Variants in MORN1 observed in about 807,000 individuals in gnomAD.
MORN1 encodes MORN repeat-containing protein 1.
A neutral mutation model predicts 61.9 loss-of-function variants in MORN1; 67 were observed. The observed-to-expected ratio is 1.08, with a 90% CI of 0.89 to 1.33. The LOEUF (loss-of-function observed/expected upper bound fraction) is 1.33, where lower values mean the gene tolerates loss of function less well. Among genes scored for constraint, MORN1 ranks in the 40% most tolerant of loss-of-function variants. MORN1 has a pLI of 0.00. For synonymous variants in MORN1, 301 were observed against 292.0 expected, an observed-to-expected ratio of 1.03 and a Z score of -0.31; for missense variants, 752 against 691.2, an observed-to-expected ratio of 1.09 and a Z score of -0.99.
At chr1:2,367,383 A>C (rs1158000913) in intron 8 of MORN1, among the ~76,000 whole-genome samples, 1 of 151,354 alleles carries the variant, frequency 6.6e-6, no homozygotes, top group African/African-American at 2.4e-5. Context: ...ATTTTGGGAG[A>C]CTGAGGTGGG....
intron 10 of MORN1, among the ~76,000 whole-genome samples, chr1:2,341,464 A>C (rs2843139): frequency 6.6e-6 from 1 of 152,086 alleles, no homozygotes. Flanking sequence ...AGGCCAAAGC[A>C]GGCGGATCAG....
At position 2,379,351 on chromosome 1, in the gene MORN1, G is replaced by A. The variant is rs181560115; in HGVS notation, c.538-4794C>T. The A allele has an allele frequency of 2.0e-3, 727 of 358,586 alleles. 9 individuals are homozygous for A. The highest frequency in any genetic ancestry group is 0.014 in the African/African-American group (665 of 46,780). The allele number at this position is 358,586 out of a possible 1,614,324, so 22.2% of individuals were successfully genotyped here. ...CATAAAATGATCTCTAAAAATAAACGAACAGCCGGCGCTGGTTGGGGTGTG... is the reference window on the plus strand; with the variant it reads ...CATAAAATGATCTCTAAAAATAAACAAACAGCCGGCGCTGGTTGGGGTGTG... On this transcript the variant is annotated intron_variant, in intron 6 of 13. Coordinates refer to ENST00000378531, the MANE Select transcript of MORN1 (RefSeq NM_024848.3).
rs1179432022 is a variant in MORN1 at position 2,378,891 on chromosome 1, G to A, written c.538-4334C>T. 4 of 454,712 alleles carry A rather than the reference G, an allele frequency of 8.8e-6. No homozygotes were observed. In the East Asian group the frequency reaches 2.8e-4, roughly 32 times the overall value. The allele number at this position is 454,712 out of a possible 1,614,324, so 28.2% of individuals were successfully genotyped here. ...GGCCCAGGACCTCTGTGGCTTCCGG[G>A]ACCGGCCTGAGCCGCGTGGCTCCTG... On this transcript the variant is annotated intron_variant, in intron 6 of 13. Transcript: ENST00000378531.
chr1:2,358,573 T>C lies in MORN1; in HGVS notation c.869+19A>G. 6.2e-7 allele frequency: 1 copy of C among 1,613,904 alleles called. No individual in the cohort carries two copies. Among genetic ancestry groups the C allele is most frequent in the African/African-American group, 1.3e-5 (1 of 75,026 alleles). ...CAAAACAAACTCAGAACTAACTCAT[T>C]GGTGTCACACGTACTCACAATGGGG... On this transcript the variant is annotated intron_variant, in intron 9 of 13. Coordinates refer to ENST00000378531, the MANE Select transcript of MORN1 (RefSeq NM_024848.3).
chr1:2,358,589 C>T lies in MORN1; in HGVS notation c.869+3G>A. On this transcript the variant is annotated splice_donor_region_variant and intron_variant, in intron 9 of 13. Coordinates refer to ENST00000378531, the MANE Select transcript of MORN1 (RefSeq NM_024848.3). Reference sequence around the variant, plus strand: ...CTAACTCATTGGTGTCACACGTACTCACAATGGGGTCTGGATGAGTGTCTC... The same window carrying T: ...CTAACTCATTGGTGTCACACGTACTTACAATGGGGTCTGGATGAGTGTCTC... 2 of 1,614,100 alleles carry T rather than the reference C, an allele frequency of 1.2e-6. No homozygotes were observed. Among genetic ancestry groups the T allele is most frequent in the Non-Finnish European group, 1.7e-6 (2 of 1,179,976 alleles).
intron 10 of MORN1, among the ~76,000 whole-genome samples, chr1:2,349,948 C>T (rs1297819144): frequency 1.3e-5 from 2 of 152,218 alleles, no homozygotes; most frequent in Admixed American, 6.5e-5. Flanking sequence ...GGCCTCTCTA[C>T]GTTCCCAAAT....
intron 1 of MORN1, 75 bp downstream of exon 1, chr1:2,391,383 G>A: frequency 8.1e-7 from 1 of 1,240,914 alleles, no homozygotes; most frequent in African/African-American, 1.6e-5. Flanking sequence ...TTTGGGGGTC[G>A]AGGGCGTAGA....
rs1469551066 is a variant in MORN1 at position 2,336,723 on chromosome 1, G to A, written c.1164C>T (p.Leu388=). The part of the protein sequence containing the change: ...GYHPFLFLDS[L]HKKAGGRSRG... The stretch of plus-strand genomic sequence containing the variant: ...GCCCCCCGTGGGCACCCACCTTGTG[G>A]AGGCTGTCCAGGAACAGGAAGGGGT... Residue 388 remains leucine (L), a synonymous_variant, in exon 11 of 14, where the codon CTC becomes CTT. Transcript: ENST00000378531. The A allele has an allele frequency of 6.4e-7, 1 of 1,568,262 alleles. No individual in the cohort carries two copies. The highest frequency in any genetic ancestry group is 8.6e-7 in the Non-Finnish European group (1 of 1,157,854).
chr1:2,356,789 C>A (rs1013188725), intron 10 of MORN1, among the ~76,000 whole-genome samples: 2 of 152,332 alleles, frequency 1.3e-5, no homozygotes, highest in Middle Eastern at 3.4e-3. Flanking sequence ...GCACTGCTCG[C>A]TGCACCGGAG....
rs1179765198 is a variant in MORN1, at chr1:2,332,152, G to A, written c.1250+4317C>T. ...GATGTGGGCTTTGAGGGAGCCAACCGGTGGGGGGTGCACCAGGTGACCCCA... is the reference window on the plus strand; with the variant it reads ...GATGTGGGCTTTGAGGGAGCCAACCAGTGGGGGGTGCACCAGGTGACCCCA... On this transcript the variant is annotated intron_variant, in intron 12 of 13. Coordinates refer to ENST00000378531, the MANE Select transcript of MORN1 (RefSeq NM_024848.3). 3.4e-5 allele frequency: 6 copies of A among 174,660 alleles called. 1 individual carries two copies. Among genetic ancestry groups the A allele is most frequent in the East Asian group, 1.8e-4 (1 of 5,474 alleles). 10.8% of individuals were successfully genotyped at this position (174,660 alleles called of 1,614,324 possible).
chr1:2,339,763 C>T (rs1641354993), intron 10 of MORN1, among the ~76,000 whole-genome samples: 1 of 152,222 alleles, frequency 6.6e-6, no homozygotes, highest in Admixed American at 6.5e-5. Context: ...AGGTCAGTCC[C>T]TCCCTTGCCG....
chr1:2,333,051 G>A (rs1001713221), intron 12 of MORN1, among the ~76,000 whole-genome samples: 2 of 152,222 alleles, frequency 1.3e-5, no homozygotes, highest in African/African-American at 4.8e-5. Flanking sequence ...ATAAAAACAC[G>A]GAACCCAGGA....
chr1:2,357,404 C>T lies in MORN1; in HGVS notation c.1036+28G>A, dbSNP rs1641799301. 2 of 1,566,502 alleles carry T rather than the reference C, an allele frequency of 1.3e-6. No homozygotes were observed. Among genetic ancestry groups the T allele is most frequent in the African/African-American group, 1.4e-5 (1 of 73,716 alleles). On this transcript the variant is annotated intron_variant, in intron 10 of 13. Transcript: ENST00000378531. This position sits in a 1 kb window ranked among gnomAD's most constrained non-coding sequence, Gnocchi z 6.3. ...GACTGCTGGGCCTGGGCCCACCCAC[C>T]CCCAACTGGTTTGTGAGCTCCACTT...
At chr1:2,355,096 GTA>G in intron 10 of MORN1, 1 of 989,942 alleles carries the variant, frequency 1.0e-6, no homozygotes, top group Non-Finnish European at 1.2e-6. Flanking sequence ...CCCGCGCGGG[GTA>G]GGGTGCGATG....
chr1:2,379,262 T>A, intron 6 of MORN1: 1 of 418,094 alleles, frequency 2.4e-6, no homozygotes, highest in Non-Finnish European at 4.9e-6. Flanking sequence ...TGATCCGAGG[T>A]GGGCAGAGGT....
intron 4 of MORN1, 141 bp downstream of exon 4, chr1:2,387,278 A>C (rs1434984117): frequency 2.6e-5 from 18 of 697,564 alleles, no homozygotes; most frequent in Non-Finnish European, 4.4e-5. Flanking sequence ...TGCGGAGAAG[A>C]GGGCATGGGC....
At chr1:2,349,659 T>C (rs1282309949) in intron 10 of MORN1, among the ~76,000 whole-genome samples, 1 of 152,214 alleles carries the variant, frequency 6.6e-6, no homozygotes, top group Non-Finnish European at 1.5e-5. Context: ...AAAGCTGTTA[T>C]CACCCCACGA....
At chr1:2,327,886 C>T (rs982641540) in intron 12 of MORN1, among the ~76,000 whole-genome samples, 8 of 152,274 alleles carry the variant, frequency 5.3e-5, no homozygotes, top group Admixed American at 4.6e-4. Flanking sequence ...TCGGCGTCCC[C>T]GCATGAGCTC....
chr1:2,363,805 C>CAAACAAACAA lies in MORN1; in HGVS notation c.746-5091_746-5090insTTGTTTGTTT, dbSNP rs140866260. ...TTAGAAAAACAAACAAACAAACAAA[C>CAAACAAACAA]AAAAAAATATATATATATATAAAAA... On this transcript the variant is annotated intron_variant, in intron 8 of 13. Coordinates refer to ENST00000378531, the MANE Select transcript of MORN1 (RefSeq NM_024848.3). Among the ~76,000 whole-genome samples, 864 of 124,846 alleles carry CAAACAAACAA rather than the reference C, an allele frequency of 6.9e-3. 10 individuals are homozygous for CAAACAAACAA. The highest frequency in any genetic ancestry group is 0.027 in the East Asian group (110 of 4,112). 81.9% of individuals were successfully genotyped at this position (124,846 alleles called of 152,430 possible).
Sources: allele counts gnomAD v4.1 joint callset (sites outside exome capture counted in the v4.1 genomes callset), GRCh38; gene constraint gnomAD v4.1.1; non-coding constraint Gnocchi (gnomAD v3.1); transcripts MANE v1.5; gene names NCBI Gene and HGNC (gene_info 2026-07-23, HGNC 2026-07-21).